The following TEN1 variants were observed in gnomAD, a reference collection of about 807,000 sequenced individuals.
The protein encoded by TEN1 is TEN1 subunit of CST complex.
TEN1 carries 6 observed loss-of-function variants against 9.3 expected under a neutral mutation model. The observed-to-expected ratio is 0.65, with a 90% CI of 0.35 to 1.27. The LOEUF is 1.27. Ranked by LOEUF, TEN1 falls within the 50% of genes most tolerant of loss-of-function variation. The pLI is 0.03. For synonymous variants in TEN1, 65 were observed against 65.6 expected (o/e 0.99, Z 0.04); for missense variants, 149 against 158.2 (o/e 0.94, Z 0.31).
chr17:75,990,789 C>G (rs374708527), intron 2 of TEN1, among the ~76,000 whole-genome samples: 1 of 59,722 alleles, frequency 1.7e-5, no homozygotes, highest in South Asian at 3.8e-4. Context: ...GCCTGGGATA[C>G]AGAAAAAAAA....
chr17:75,986,948 T>A (rs9892879), intron 2 of TEN1, among the ~76,000 whole-genome samples: 67,971 of 151,828 alleles, frequency 0.45, 18,895 homozygotes, highest in African/African-American at 0.8. Flanking sequence ...TGTCAGTTAT[T>A]TATCAGTTAT....
chr17:75,996,757 AAAG>A (rs895686346), intron 3 of TEN1, among the ~76,000 whole-genome samples: 16 of 152,014 alleles, frequency 1.1e-4, no homozygotes, highest in African/African-American at 3.6e-4. Flanking sequence ...AAAGAAAAGA[AAAG>A]AAAGAGAAAA....
At chr17:75,986,791 G>C (rs2066155152) in intron 2 of TEN1, among the ~76,000 whole-genome samples, 2 of 151,606 alleles carry the variant, frequency 1.3e-5, no homozygotes, top group African/African-American at 4.8e-5. Context: ...TAAAGGTGTA[G>C]AGAGGAAGGA....
intron 3 of TEN1, among the ~76,000 whole-genome samples, chr17:75,992,925 G>A (rs760984774): frequency 2.4e-4 from 35 of 148,604 alleles, no homozygotes; most frequent in Non-Finnish European, 3.6e-4. Flanking sequence ...TCAGCCTCCC[G>A]AGTAGCCCTG....
At chr17:75,991,674 C>T in intron 3 of TEN1, 51 bp downstream of exon 3, 1 of 1,535,256 alleles carries the variant, frequency 6.5e-7, no homozygotes, top group South Asian at 1.2e-5. Flanking sequence ...TGAGCTGGGG[C>T]AGTCTTCGGG....
intron 2 of TEN1, among the ~76,000 whole-genome samples, chr17:75,986,733 T>C (rs1413364729): frequency 6.6e-6 from 1 of 150,976 alleles, no homozygotes; most frequent in East Asian, 1.9e-4. Context: ...TATATACATA[T>C]ATATATTGAA....
chr17:75,995,392 A>G (rs961545202), intron 3 of TEN1, among the ~76,000 whole-genome samples: 2 of 152,176 alleles, frequency 1.3e-5, no homozygotes, highest in South Asian at 2.1e-4. Flanking sequence ...AAATAAAACC[A>G]TAAACCTTCC....
chr17:75,980,393 G>A (rs1371859809), intron 1 of TEN1, among the ~76,000 whole-genome samples: 4 of 151,974 alleles, frequency 2.6e-5, no homozygotes, highest in Non-Finnish European at 4.4e-5. Context: ...TTGTAGACAA[G>A]GGAGATTCAG....
At chr17:75,995,851 C>T (rs911204606) in intron 3 of TEN1, among the ~76,000 whole-genome samples, 12 of 151,958 alleles carry the variant, frequency 7.9e-5, no homozygotes, top group South Asian at 6.2e-4. Flanking sequence ...CTAGCATGTT[C>T]GGAGGCTGAG....
intron 3 of TEN1, among the ~76,000 whole-genome samples, chr17:75,997,014 G>A (rs1407094519): frequency 6.6e-6 from 1 of 151,930 alleles, no homozygotes; most frequent in African/African-American, 2.4e-5. Context: ...CACCTCCCAC[G>A]CCTGCTGCTG....
intron 2 of TEN1, among the ~76,000 whole-genome samples, chr17:75,986,781 T>G (rs1490505542): frequency 6.6e-6 from 1 of 151,660 alleles, no homozygotes; most frequent in Non-Finnish European, 1.5e-5. Context: ...AGATAGTCCA[T>G]AAAGGTGTAG....
In TEN1 at chr17:75,986,285, G is replaced by T. The variant is rs1265158102; in HGVS notation, c.92+1G>T. ...GGAGCACGCTGAGAACATTTGGCAG[G>T]TGAGAACGGTTATTTTTTTCACTGG... On this transcript the variant is annotated splice_donor_variant, in intron 2 of 3. Coordinates refer to ENST00000397640, the MANE Select transcript of TEN1 (RefSeq NM_001113324.3). LOFTEE classifies it high-confidence loss of function. 6.5e-7 allele frequency: 1 copy of T among 1,544,208 alleles called. No homozygotes were observed. Among genetic ancestry groups the T allele is most frequent in the Non-Finnish European group, 8.7e-7 (1 of 1,143,510 alleles).
rs556439277 is a variant in TEN1, at chr17:75,989,910, TA to T, written c.93-1541del. On this transcript the variant is annotated intron_variant, in intron 2 of 3. Coordinates refer to ENST00000397640, the MANE Select transcript of TEN1 (RefSeq NM_001113324.3). Reference sequence around the variant, plus strand: ...GCGTGCACCACTGTACCTGGCTAATTAAAAAAAAAAAAAAATTATAGAGACG... The same window carrying T: ...GCGTGCACCACTGTACCTGGCTAATTAAAAAAAAAAAAAATTATAGAGACG... 2.4e-3 allele frequency among the ~76,000 whole-genome samples: 330 copies of T among 139,634 alleles called. 1 individual carries two copies. The highest frequency in any genetic ancestry group is 2.7e-3 in the South Asian group (12 of 4,436). The allele number at this position is 139,634 out of a possible 152,430, so 91.6% of individuals were successfully genotyped here. A position where few individuals can be genotyped will look rare whatever the true frequency, so the allele number is the denominator to read the frequency against.
chr17:75,998,594 G>A (rs2066231799), intron 3 of TEN1, among the ~76,000 whole-genome samples: 1 of 152,194 alleles, frequency 6.6e-6, no homozygotes, highest in Non-Finnish European at 1.5e-5. Context: ...CCCTCAGGCT[G>A]TGCTATAAAT....
At chr17:75,985,141 TA>T (rs2066144205) in intron 1 of TEN1, 1 of 152,082 alleles carries the variant, frequency 6.6e-6, no homozygotes, top group Non-Finnish European at 1.5e-5. Context: ...GCTTTTTAAA[TA>T]TTGTTTTGGT....
chr17:75,990,634 G>A (rs2066179109), intron 2 of TEN1, among the ~76,000 whole-genome samples: 1 of 151,052 alleles, frequency 6.6e-6, no homozygotes, highest in South Asian at 2.1e-4. Context: ...AGGAGTTCGA[G>A]ACCAGTGTGG....
At chr17:75,993,945 G>A (rs1448938838) in intron 3 of TEN1, among the ~76,000 whole-genome samples, 2 of 151,982 alleles carry the variant, frequency 1.3e-5, no homozygotes, top group African/African-American at 4.8e-5. Flanking sequence ...GTTGCAGTGA[G>A]CGGAGATCGT....
intron 1 of TEN1, among the ~76,000 whole-genome samples, chr17:75,981,431 C>G (rs1408616328): frequency 6.6e-6 from 1 of 152,098 alleles, no homozygotes; most frequent in Non-Finnish European, 1.5e-5. Flanking sequence ...ATGTGATCCG[C>G]TCGCCTCAGC....
At position 75,985,770 on chromosome 17, in the gene TEN1, C is replaced by T. The variant is rs572880668; in HGVS notation, c.-6-417C>T. On this transcript the variant is annotated intron_variant, in intron 1 of 3. Coordinates refer to ENST00000397640, the MANE Select transcript of TEN1 (RefSeq NM_001113324.3). Reference sequence around the variant, plus strand: ...AACTCCTGACCTCAGGTGATCCGCCCGCCTCAGCCTCCCAAAGTGCTGGGA... The same window carrying T: ...AACTCCTGACCTCAGGTGATCCGCCTGCCTCAGCCTCCCAAAGTGCTGGGA... 4.1e-4 allele frequency among the ~76,000 whole-genome samples: 61 copies of T among 150,090 alleles called. No homozygotes were observed. The South Asian group carries it at 0.013, about 31-fold the overall frequency.
Sources: gnomAD v4.1 joint callset for allele counts (sites outside exome capture counted in the v4.1 genomes callset) on GRCh38, gnomAD v4.1.1 for gene constraint, MANE v1.5 for transcripts, NCBI Gene and HGNC (gene_info 2026-07-23, HGNC 2026-07-21) for gene names.